HTR2C: variants seen among roughly 807,000 people sequenced by gnomAD.
The protein encoded by HTR2C is 5-hydroxytryptamine (serotonin) receptor 2C, G protein-coupled.
A neutral mutation model predicts 21.0 loss-of-function variants in HTR2C; 5 were observed. That is an observed-to-expected ratio of 0.24 (90% CI 0.12 to 0.50). The LOEUF is 0.50. Among genes scored for constraint, HTR2C ranks in the 20% least tolerant of loss-of-function variants. The probability of loss-of-function intolerance (pLI) is 0.98; values close to 1 mark genes in which losing one functional copy is unlikely to be tolerated. For missense variants in HTR2C, 271 were observed against 371.2 expected (o/e 0.73, Z 2.22); for synonymous variants, 150 against 145.3 (o/e 1.03, Z -0.23).
chrX:114,654,292 C>CAT (rs1166731600), intron 2 of HTR2C, among the ~76,000 whole-genome samples: 28 of 106,192 alleles, frequency 2.6e-4, no homozygotes, highest in Non-Finnish European at 3.7e-4. Flanking sequence ...TATATATACT[C>CAT]ATATATATAT....
chrX:114,793,043 A>T (rs1168224344), intron 4 of HTR2C, among the ~76,000 whole-genome samples: 2 of 111,286 alleles, frequency 1.8e-5, no homozygotes, highest in East Asian at 5.6e-4. Context: ...GATTGCAGAA[A>T]TTTTCTCCCA....
intron 4 of HTR2C, among the ~76,000 whole-genome samples, chrX:114,820,988 G>A (rs1556456058): frequency 9.0e-6 from 1 of 111,600 alleles, no homozygotes; most frequent in African/African-American, 3.3e-5. Flanking sequence ...AGAGTGAACT[G>A]TTTGAATAGA....
rs2070554838 is a variant in HTR2C at position 114,813,564 on chromosome X, A to G, written c.350-34439A>G. Among the ~76,000 whole-genome samples the G allele has an allele frequency of 2.7e-5, 3 of 112,007 alleles. No homozygotes were observed. In the Admixed American group the frequency reaches 2.9e-4, roughly 11 times the overall value. The stretch of plus-strand genomic sequence containing the variant: ...GAAAGCCAAATGTAGGTACTCTGCT[A>G]CCAGACAGAAGTAAGTTTTGTCTCT... On this transcript the variant is annotated intron_variant, in intron 4 of 5. Transcript: ENST00000276198.
intron 2 of HTR2C, among the ~76,000 whole-genome samples, chrX:114,646,608 T>C (rs1175457945): frequency 1.8e-5 from 2 of 112,381 alleles, no homozygotes; most frequent in African/African-American, 6.5e-5. Context: ...GAAATGTCTA[T>C]GCAAATATTT....
At chrX:114,795,618 A>G (rs891571123) in intron 4 of HTR2C, among the ~76,000 whole-genome samples, 6 of 111,582 alleles carry the variant, frequency 5.4e-5, no homozygotes, top group Admixed American at 9.6e-5. Context: ...TTATTAAATA[A>G]GGAATCCTTT....
chrX:114,638,365 A>G (rs1929935456), intron 2 of HTR2C, among the ~76,000 whole-genome samples: 1 of 111,390 alleles, frequency 9.0e-6, no homozygotes, highest in Non-Finnish European at 1.9e-5. Context: ...ATGCAGAGGT[A>G]TGAGATGTTA....
At chrX:114,590,997 G>A (rs1927605643) in intron 1 of HTR2C, among the ~76,000 whole-genome samples, 1 of 111,937 alleles carries the variant, frequency 8.9e-6, no homozygotes, top group African/African-American at 3.2e-5. Flanking sequence ...GTAAATAAGA[G>A]CTTTATTTCC....
At chrX:114,665,283 T>G (rs943341579) in intron 2 of HTR2C, among the ~76,000 whole-genome samples, 2 of 111,726 alleles carry the variant, frequency 1.8e-5, no homozygotes, top group African/African-American at 6.5e-5. Flanking sequence ...TTCCTTAGAG[T>G]TTCAATTTGA....
At chrX:114,824,188 T>A (rs1418560988) in intron 4 of HTR2C, among the ~76,000 whole-genome samples, 23 of 111,420 alleles carry the variant, frequency 2.1e-4, no homozygotes, top group African/African-American at 7.5e-4. Flanking sequence ...CTACAAATAT[T>A]TCAGAGATAT....
chrX:114,857,974 A>G, intron 5 of HTR2C, among the ~76,000 whole-genome samples: 1 of 111,246 alleles, frequency 9.0e-6, no homozygotes, highest in East Asian at 2.8e-4. Context: ...ATTCTTGCCT[A>G]CCGAATTACA....
intron 1 of HTR2C, among the ~76,000 whole-genome samples, chrX:114,601,808 G>C (rs1432752660): frequency 9.7e-6 from 1 of 103,336 alleles, no homozygotes; most frequent in African/African-American, 3.6e-5. Context: ...GGGTGGTATG[G>C]AGAGAGAGAA....
chrX:114,829,553 C>T (rs1420701374), intron 4 of HTR2C, among the ~76,000 whole-genome samples: 2 of 111,009 alleles, frequency 1.8e-5, no homozygotes, highest in African/African-American at 6.5e-5. Flanking sequence ...ATTGCCAAAT[C>T]CAAGGTCACT....
intron 2 of HTR2C, among the ~76,000 whole-genome samples, chrX:114,698,346 A>G (rs1279924839): frequency 9.1e-6 from 1 of 110,447 alleles, no homozygotes; most frequent in Non-Finnish European, 1.9e-5. Context: ...AAGTTCCGTT[A>G]TCATGGAAAG....
At chrX:114,722,708 T>A (rs12390265) in intron 2 of HTR2C, among the ~76,000 whole-genome samples, 15 of 104,034 alleles carry the variant, frequency 1.4e-4, no homozygotes, top group South Asian at 4.7e-4. Context: ...TAATTTATTG[T>A]GAGTTTTTAG....
chrX:114,731,391 C>T lies in HTR2C; in HGVS notation c.133C>T (p.Arg45Cys), dbSNP rs1556423301. The stretch of plus-strand genomic sequence containing the variant: ...CATTTTCAATACCTCCGATGGTGGA[C>T]GCTTCAAATTCCCAGACGGGGTACA... ...TDIFNTSDGG[R>C]FKFPDGVQNW... is the part of the protein sequence containing the mutation. The change falls in exon 4 of 6, where the codon CGC becomes TGC. Residue 45 changes from arginine to cysteine, a missense_variant. Around this residue, in one of 5 missense-constraint regions of HTR2C, gnomAD observed 57 missense variants for 64.0 expected, o/e 0.89. Transcript: ENST00000276198. The T allele has an allele frequency of 3.3e-6, 4 of 1,205,332 alleles. No homozygotes were observed. Among genetic ancestry groups the T allele is most frequent in the Admixed American group, 2.2e-5 (1 of 45,877 alleles).
At chrX:114,600,686 T>C (rs1206933287) in intron 1 of HTR2C, among the ~76,000 whole-genome samples, 2 of 111,688 alleles carry the variant, frequency 1.8e-5, no homozygotes, top group Non-Finnish European at 3.8e-5. Flanking sequence ...TTTGACTGCA[T>C]ATTCCATGAA....
intron 5 of HTR2C, among the ~76,000 whole-genome samples, chrX:114,876,392 A>ATTTC (rs201460268): frequency 5.1e-3 from 307 of 59,670 alleles, no homozygotes; most frequent in Middle Eastern, 0.014. Context: ...GATGCCGGTT[A>ATTTC]TTTCTTTCTT....
chrX:114,772,487 T>TGGGGGGGGGGGGGGGGGGGG (rs201762695), intron 4 of HTR2C, among the ~76,000 whole-genome samples: 1 of 87,670 alleles, frequency 1.1e-5, no homozygotes, highest in Non-Finnish European at 2.2e-5. Context: ...CGGGGCGTGG[T>TGGGGGGGGGGGGGGGGGGGG]GGGGGGGCCT....
At chrX:114,601,872 C>A (rs1454470679) in intron 1 of HTR2C, among the ~76,000 whole-genome samples, 93 of 95,009 alleles carry the variant, frequency 9.8e-4, no homozygotes, top group African/African-American at 3.5e-3. Context: ...GCGTGGGAAC[C>A]TAGAGTGGGA....
Sources: allele counts gnomAD v4.1 joint callset (sites outside exome capture counted in the v4.1 genomes callset), GRCh38; gene constraint gnomAD v4.1.1; regional missense constraint gnomAD v4.1.1; transcripts MANE v1.5; gene names NCBI Gene and HGNC (gene_info 2026-07-23, HGNC 2026-07-21).